Variants in LRBA observed in about 807,000 individuals in gnomAD.
The protein encoded by LRBA is LPS responsive beige-like anchor protein.
In LRBA, 176 loss-of-function variants were observed where a neutral mutation model predicts 330.0. The observed-to-expected ratio is 0.53, with a 90% CI of 0.47 to 0.60. The LOEUF (loss-of-function observed/expected upper bound fraction) is 0.60, where lower values mean the gene tolerates loss of function less well. LRBA is among the 20% of genes least tolerant of loss of function. The pLI, the probability that LRBA is intolerant of heterozygous loss-of-function variation, is 0.00. For missense variants in LRBA, 3,259 were observed against 3,444.8 expected (o/e 0.95, Z 1.35); for synonymous variants, 1,230 against 1,193.0 (o/e 1.03, Z -0.64).
intron 29 of LRBA, among the ~76,000 whole-genome samples, chr4:150,829,834 C>T (rs1466661208): frequency 6.6e-6 from 1 of 151,624 alleles, no homozygotes; most frequent in South Asian, 2.1e-4. Flanking sequence ...CTAAAAAAAC[C>T]TCTCAAACTC....
intron 2 of LRBA, among the ~76,000 whole-genome samples, chr4:150,975,252 G>A (rs1365593144): frequency 7.2e-5 from 11 of 152,224 alleles, no homozygotes. Flanking sequence ...AAAGTAGCCA[G>A]GCACAGTGGC....
chr4:150,998,034 ACT>A (rs1742877766), intron 2 of LRBA, among the ~76,000 whole-genome samples: 1 of 147,134 alleles, frequency 6.8e-6, no homozygotes, highest in African/African-American at 2.5e-5. Flanking sequence ...AGCTATGAAA[ACT>A]CTTTTTTTTT....
chr4:150,460,206 T>C (rs551775338), intron 44 of LRBA, among the ~76,000 whole-genome samples: 1 of 151,826 alleles, frequency 6.6e-6, no homozygotes, highest in Admixed American at 6.6e-5. Flanking sequence ...CAGTTAAATG[T>C]CGGTAGTCAA....
At chr4:150,279,391 G>A (rs1747221019) in intron 55 of LRBA, among the ~76,000 whole-genome samples, 1 of 152,032 alleles carries the variant, frequency 6.6e-6, no homozygotes, top group Admixed American at 6.6e-5. Flanking sequence ...TTAGTGGATG[G>A]CATCAGAGTT....
At chr4:150,855,052 G>A (rs947801778) in intron 22 of LRBA, among the ~76,000 whole-genome samples, 2 of 152,276 alleles carry the variant, frequency 1.3e-5, no homozygotes. Flanking sequence ...GAGGTCAGGA[G>A]TTTGAGATCA....
At chr4:150,658,077 G>A (rs1270964112) in intron 37 of LRBA, among the ~76,000 whole-genome samples, 2 of 152,022 alleles carry the variant, frequency 1.3e-5, no homozygotes, top group East Asian at 1.9e-4. Flanking sequence ...ATGACACCAC[G>A]CTAAGGGGTG....
At chr4:150,409,783 G>A (rs544203861) in intron 47 of LRBA, among the ~76,000 whole-genome samples, 10 of 152,086 alleles carry the variant, frequency 6.6e-5, no homozygotes, top group African/African-American at 1.4e-4. Context: ...AGGTGTCCTC[G>A]TTTTTTAACT....
rs936086638 is a variant in LRBA, at chr4:150,690,346, C to CA, written c.5755-6630dup. On this transcript the variant is annotated intron_variant, in intron 36 of 56. Transcript: ENST00000651943. ...GTGAAACCCCATCTCTACTAAAATA[C>CA]AAAAAAAGTAGTTTGGCATGGTGGC... Among the ~76,000 whole-genome samples the CA allele has an allele frequency of 4.6e-5, 7 of 151,540 alleles. No individual in the cohort carries two copies. In the East Asian group the frequency reaches 7.8e-4, roughly 17 times the overall value.
intron 28 of LRBA, among the ~76,000 whole-genome samples, chr4:150,839,566 G>A (rs907939449): frequency 2.6e-5 from 4 of 152,188 alleles, no homozygotes; most frequent in African/African-American, 9.7e-5. Flanking sequence ...CATAAAAAAG[G>A]ATGAGTTTAT....
rs141395658 is a variant in LRBA, at chr4:150,683,573, C to A, written c.5899G>T (p.Ala1967Ser). The A allele has an allele frequency of 1.2e-6, 2 of 1,613,878 alleles. No individual in the cohort carries two copies. Among genetic ancestry groups the A allele is most frequent in the Non-Finnish European group, 1.7e-6 (2 of 1,179,870 alleles). ...TACCTCACTGCAGAATTTCCCCAGG[C>A]TCCATGCTTGTCTGTGAGAATGTTG... ...IINILTDKHG[A>S]WGNSAVSRPL... Residue 1967 changes from alanine to serine, a missense_variant, in exon 37 of 57, where the codon GCC becomes TCC. Ala to Ser is a moderately conservative substitution (Grantham distance 99). Coordinates refer to ENST00000651943, the MANE Select transcript of LRBA (RefSeq NM_001364905.1).
Position 150,546,776 on chromosome 4 carries a change from C to T in LRBA, c.6330+41272G>A, listed in dbSNP as rs917819813. Reference sequence around the variant, plus strand: ...TTGTTTCACAGACTTGGAAAAACTTCATTTAACTACCCCAAAGGTGATATA... The same window carrying T: ...TTGTTTCACAGACTTGGAAAAACTTTATTTAACTACCCCAAAGGTGATATA... On this transcript the variant is annotated intron_variant, in intron 40 of 56. Transcript: ENST00000651943. Among the ~76,000 whole-genome samples, 6 of 152,276 alleles carry T rather than the reference C, an allele frequency of 3.9e-5. No homozygotes were observed. In the East Asian group the frequency reaches 9.6e-4, roughly 24 times the overall value.
intron 40 of LRBA, among the ~76,000 whole-genome samples, chr4:150,543,186 T>C (rs1765502651): frequency 6.6e-6 from 1 of 152,196 alleles, no homozygotes. Flanking sequence ...AGGCCACAGC[T>C]TTATACACAA....
chr4:150,834,022 G>C lies in LRBA; in HGVS notation c.4570-2046C>G, dbSNP rs116861146. Among the ~76,000 whole-genome samples the C allele has an allele frequency of 2.8e-3, 432 of 152,250 alleles. 15 individuals are homozygous for C. In the East Asian group the frequency reaches 0.071, roughly 25 times the overall value. On this transcript the variant is annotated intron_variant, in intron 28 of 56. Coordinates refer to ENST00000651943, the MANE Select transcript of LRBA (RefSeq NM_001364905.1). ...ATAGGAAGCAACTCTTCATTCGTTG[G>C]AGTATTATCATGACATTGTAGGAAT...
At chr4:150,560,245 T>C (rs1768139617) in intron 40 of LRBA, among the ~76,000 whole-genome samples, 1 of 151,676 alleles carries the variant, frequency 6.6e-6, no homozygotes, top group East Asian at 1.9e-4. Context: ...TATGTATGTA[T>C]AGAGAGAGAC....
rs187189204 is a variant in LRBA, at chr4:150,921,094, T to C, written c.645+104A>G. 148 of 681,320 alleles carry C rather than the reference T, an allele frequency of 2.2e-4. 1 individual carries two copies. In the East Asian group the frequency reaches 2.4e-3, roughly 11 times the overall value. 42.2% of individuals were successfully genotyped at this position (681,320 alleles called of 1,614,324 possible). A position where few individuals can be genotyped will look rare whatever the true frequency, so the allele number is the denominator to read the frequency against. ...AGGATTAAAGTATGTTGAGCAGAAG[T>C]TTCTACCTAGCACAGAACCTGTCAG... On this transcript the variant is annotated intron_variant, in intron 5 of 56. Transcript: ENST00000651943.
intron 37 of LRBA, among the ~76,000 whole-genome samples, chr4:150,664,520 C>T (rs954772094): frequency 6.6e-6 from 1 of 152,106 alleles, no homozygotes; most frequent in Non-Finnish European, 1.5e-5. Flanking sequence ...TTCATGCCAC[C>T]GGTTCACAGG....
In LRBA at chr4:150,436,793, T is replaced by G. The variant is rs140538555; in HGVS notation, c.6852A>C (p.Gln2284His). 3.7e-4 allele frequency: 594 copies of G among 1,613,632 alleles called. No individual in the cohort carries two copies. Among genetic ancestry groups the G allele is most frequent in the Non-Finnish European group, 4.8e-4 (569 of 1,179,800 alleles). ...GAGTACCATAGTGAAACTTTGGAAC[T>G]TGATCATCTTCCCATGATTCATAAC... ...AERYESWEDDQVPKFHYGTHY... is the reference protein window; with the variant it reads ...AERYESWEDDHVPKFHYGTHY... Residue 2284 changes from glutamine to histidine, a missense_variant, in exon 45 of 57, where the codon CAA becomes CAC. Physicochemically the swap from Gln to His is conservative, Grantham distance 24. Coordinates refer to ENST00000651943, the MANE Select transcript of LRBA (RefSeq NM_001364905.1).
At chr4:150,959,823 T>C (rs1413641554) in intron 2 of LRBA, among the ~76,000 whole-genome samples, 2 of 145,682 alleles carry the variant, frequency 1.4e-5, no homozygotes, top group African/African-American at 5.3e-5. Context: ...AGTATATAAA[T>C]ATATAAAAGA....
intron 44 of LRBA, among the ~76,000 whole-genome samples, chr4:150,450,484 T>A (rs1753205830): frequency 6.6e-6 from 1 of 152,126 alleles, no homozygotes; most frequent in Non-Finnish European, 1.5e-5. Context: ...AATATCTCCT[T>A]CCATCGTCAT....
Sources: gnomAD v4.1 joint callset for allele counts (sites outside exome capture counted in the v4.1 genomes callset) on GRCh38, gnomAD v4.1.1 for gene constraint, MANE v1.5 for transcripts, NCBI Gene and HGNC (gene_info 2026-07-23, HGNC 2026-07-21) for gene names.